ME2: variants seen among roughly 807,000 people sequenced by gnomAD.
ME2 encodes the protein malic enzyme 2, also known as NAD-dependent malic enzyme, mitochondrial.
A neutral mutation model predicts 73.7 loss-of-function variants in ME2; 60 were observed. That is an observed-to-expected ratio of 0.81 (90% CI 0.66 to 1.01). The LOEUF (loss-of-function observed/expected upper bound fraction) is 1.01. Among genes scored for constraint, ME2 ranks in the 50% least tolerant of loss-of-function variants. The probability of loss-of-function intolerance (pLI) is 0.00; values close to 1 mark genes in which losing one functional copy is unlikely to be tolerated. For missense variants in ME2, 594 were observed against 705.5 expected (o/e 0.84, Z 1.79); for synonymous variants, 199 against 236.9 (o/e 0.84, Z 1.47).
At chr18:50,886,176 AG>A (rs1916462635) in intron 1 of ME2, among the ~76,000 whole-genome samples, 1 of 151,158 alleles carries the variant, frequency 6.6e-6, no homozygotes, top group South Asian at 2.1e-4. Flanking sequence ...TTAAAAAAAA[AG>A]GAAAACTTGG....
intron 13 of ME2, among the ~76,000 whole-genome samples, chr18:50,937,138 G>A (rs147003747): frequency 8.6e-5 from 13 of 151,852 alleles, no homozygotes; most frequent in East Asian, 3.9e-4. Flanking sequence ...TAAATGTTTG[G>A]GGGCTAAATC....
intron 1 of ME2, among the ~76,000 whole-genome samples, chr18:50,886,224 A>G (rs1029826024): frequency 6.6e-6 from 1 of 150,598 alleles, no homozygotes; most frequent in Non-Finnish European, 1.5e-5. Context: ...TTTTAATTTA[A>G]AATTGAGAAA....
chr18:50,939,655 TG>T lies in ME2; in HGVS notation c.1488+16del. The T allele has an allele frequency of 3.2e-6, 5 of 1,548,004 alleles. No homozygotes were observed. The highest frequency in any genetic ancestry group is 4.4e-6 in the Non-Finnish European group (5 of 1,128,152). Reference sequence around the variant, plus strand: ...AAGCTGCAAAGGTAAATGTTTTAAATGTTGTTTATTTTATAAAGGATGAATT... The same window carrying T: ...AAGCTGCAAAGGTAAATGTTTTAAATTTGTTTATTTTATAAAGGATGAATT... On this transcript the variant is annotated intron_variant, in intron 14 of 15. Coordinates refer to ENST00000321341, the MANE Select transcript of ME2 (RefSeq NM_002396.5).
intron 1 of ME2, among the ~76,000 whole-genome samples, chr18:50,893,104 A>G (rs1916642760): frequency 6.9e-6 from 1 of 145,552 alleles, no homozygotes; most frequent in African/African-American, 2.6e-5. Flanking sequence ...CAGCCTGGGC[A>G]ACTGGGTAAG....
chr18:50,900,820 C>G (rs1356338617), intron 2 of ME2, among the ~76,000 whole-genome samples: 1 of 152,116 alleles, frequency 6.6e-6, no homozygotes, highest in East Asian at 1.9e-4. Flanking sequence ...CACTCATTCT[C>G]TCTCCTGCCA....
At chr18:50,908,852 G>GT (rs1178713203) in intron 3 of ME2, among the ~76,000 whole-genome samples, 4 of 152,096 alleles carry the variant, frequency 2.6e-5, no homozygotes, top group African/African-American at 4.8e-5. Context: ...TGTTGGCCAG[G>GT]CTGGTGTCAA....
chr18:50,932,726 C>G (rs1290276279), intron 13 of ME2: 1 of 158,112 alleles, frequency 6.3e-6, no homozygotes, highest in African/African-American at 2.4e-5. Context: ...TGGTTACCAT[C>G]GTGACTGATA....
intron 1 of ME2, among the ~76,000 whole-genome samples, chr18:50,887,313 A>C (rs1479941380): frequency 6.6e-6 from 1 of 152,186 alleles, no homozygotes; most frequent in East Asian, 1.9e-4. Context: ...CACATGCAGG[A>C]GTGAAGAAAG....
At chr18:50,928,278 CTG>C (rs1226419235) in intron 12 of ME2, among the ~76,000 whole-genome samples, 1 of 148,680 alleles carries the variant, frequency 6.7e-6, no homozygotes, top group Non-Finnish European at 1.5e-5. Context: ...TGAAGCGTCA[CTG>C]TGTTGCCCAG....
At chr18:50,939,128 CAA>C (rs373819939) in intron 13 of ME2, 4 of 57,846 alleles carry the variant, frequency 6.9e-5, no homozygotes, top group Non-Finnish European at 9.2e-5. Context: ...TAAGAGAAGG[CAA>C]AAAAAAAAAG....
chr18:50,917,211 G>A (rs1004202245), intron 5 of ME2, 136 bp from the exon 6 acceptor site: 2 of 642,040 alleles, frequency 3.1e-6, no homozygotes, highest in African/African-American at 3.7e-5. Flanking sequence ...GGTTTACATT[G>A]GAAATTAGCC....
At chr18:50,884,579 G>A (rs373317963) in intron 1 of ME2, among the ~76,000 whole-genome samples, 6 of 152,086 alleles carry the variant, frequency 3.9e-5, no homozygotes, top group African/African-American at 1.4e-4. Context: ...AAATCTTGAC[G>A]TCATGTTCCA....
In ME2 at chr18:50,950,356, A is replaced by G. The variant is rs1295078109; in HGVS notation, c.*3172A>G. 6.6e-6 allele frequency: 1 copy of G among 151,564 alleles called. No individual in the cohort carries two copies. Among genetic ancestry groups the G allele is most frequent in the Non-Finnish European group, 1.5e-5 (1 of 67,976 alleles). The allele number at this position is 151,564 out of a possible 1,614,324, so 9.4% of individuals were successfully genotyped here. Reference sequence around the variant, plus strand: ...GTCTCTTCAGGAGGACCCCTGACACACCGATTCTGCCCTCACAATCACTGC... The same window carrying G: ...GTCTCTTCAGGAGGACCCCTGACACGCCGATTCTGCCCTCACAATCACTGC... On this transcript the variant is annotated 3_prime_UTR_variant, in exon 16 of 16. Transcript: ENST00000321341.
intron 1 of ME2, among the ~76,000 whole-genome samples, chr18:50,894,720 CA>C (rs1916693290): frequency 6.7e-6 from 1 of 150,254 alleles, no homozygotes; most frequent in Non-Finnish European, 1.5e-5. Flanking sequence ...AATAAAAATA[CA>C]AAAAAATTAG....
chr18:50,918,351 T>C (rs1175413007), intron 7 of ME2, 138 bp downstream of exon 7: 4 of 536,088 alleles, frequency 7.5e-6, no homozygotes, highest in Non-Finnish European at 1.0e-5. Context: ...AGAACTTTGT[T>C]CTGCCTGGCT....
At chr18:50,891,814 A>ATTT (rs199728259) in intron 1 of ME2, among the ~76,000 whole-genome samples, 1 of 140,846 alleles carries the variant, frequency 7.1e-6, no homozygotes, top group Non-Finnish European at 1.6e-5. Flanking sequence ...TGGACTTATA[A>ATTT]TTTTTTTTTT....
chr18:50,941,682 G>GTTT (rs11388576), intron 15 of ME2, among the ~76,000 whole-genome samples: 5 of 141,846 alleles, frequency 3.5e-5, no homozygotes, highest in Admixed American at 7.0e-5. Flanking sequence ...GGCTGTGATG[G>GTTT]TTTTTTTTTT....
At position 50,948,511 on chromosome 18, in the gene ME2, T is replaced by C. The variant is rs1231872323; in HGVS notation, c.*1327T>C. Reference sequence around the variant, plus strand: ...TAGGAAAAAAGAGACTTCATTTTTTTCATCTTCTGCCTATGAATACAAATT... The same window carrying C: ...TAGGAAAAAAGAGACTTCATTTTTTCCATCTTCTGCCTATGAATACAAATT... On this transcript the variant is annotated 3_prime_UTR_variant, in exon 16 of 16. Coordinates refer to ENST00000321341, the MANE Select transcript of ME2 (RefSeq NM_002396.5). The C allele has an allele frequency of 1.6e-4, 25 of 152,070 alleles. No homozygotes were observed. Among genetic ancestry groups the C allele is most frequent in the Admixed American group, 1.6e-3 (25 of 15,256 alleles). The allele number at this position is 152,070 out of a possible 1,614,324, so 9.4% of individuals were successfully genotyped here.
Position 50,953,915 on chromosome 18 carries a change from G to A in ME2, c.*6731G>A, listed in dbSNP as rs1294354622. The stretch of plus-strand genomic sequence containing the variant: ...TTTAAATTTAACTGAAATTAAAACC[G>A]TACTTTTGCAGTTGATATTTTTGTG... On this transcript the variant is annotated 3_prime_UTR_variant, in exon 16 of 16. Coordinates refer to ENST00000321341, the MANE Select transcript of ME2 (RefSeq NM_002396.5). 51 of 152,046 alleles carry A rather than the reference G, an allele frequency of 3.4e-4. No homozygotes were observed. Among genetic ancestry groups the A allele is most frequent in the Admixed American group, 3.0e-3 (45 of 15,252 alleles). The allele number at this position is 152,046 out of a possible 1,614,324, so 9.4% of individuals were successfully genotyped here.
Sources: gnomAD v4.1 joint callset for allele counts (sites outside exome capture counted in the v4.1 genomes callset) on GRCh38, gnomAD v4.1.1 for gene constraint, MANE v1.5 for transcripts, NCBI Gene and HGNC (gene_info 2026-07-23, HGNC 2026-07-21) for gene names.